DAB1: variants seen among roughly 807,000 people sequenced by gnomAD.
DAB1 encodes DAB adaptor protein 1.
A neutral mutation model predicts 64.6 loss-of-function variants in DAB1; 15 were observed. That is an observed-to-expected ratio of 0.23 (90% CI 0.16 to 0.36). The LOEUF (loss-of-function observed/expected upper bound fraction) is 0.36. DAB1 is among the 10% of genes least tolerant of loss of function. DAB1 has a pLI of 1.00. For synonymous variants in DAB1, 235 were observed against 251.9 expected (o/e 0.93, Z 0.64); for missense variants, 596 against 706.7 (o/e 0.84, Z 1.78).
intron 4 of DAB1, among the ~76,000 whole-genome samples, chr1:58,212,589 T>C (rs1658614227): frequency 6.6e-6 from 1 of 152,188 alleles, no homozygotes; most frequent in Non-Finnish European, 1.5e-5. Context: ...TTCAGTGTTA[T>C]GGAAATACCA....
In DAB1 at chr1:57,190,974, T is replaced by C. The variant is rs1299120083; in HGVS notation, c.68-45545A>G. Among the ~76,000 whole-genome samples the C allele has an allele frequency of 2.6e-5, 4 of 152,324 alleles. No homozygotes were observed. In the South Asian group the frequency reaches 6.2e-4, roughly 24 times the overall value. On this transcript the variant is annotated intron_variant, in intron 2 of 14. Coordinates refer to ENST00000371236, the MANE Select transcript of DAB1 (RefSeq NM_001365792.1). ...CTTATTTGCCAGAGGTAAAGTCCCA[T>C]AACTTACCTGAATTTTAGTCTCTTT...
intron 5 of DAB1, among the ~76,000 whole-genome samples, chr1:58,044,111 T>C (rs1261628773): frequency 6.6e-6 from 1 of 152,224 alleles, no homozygotes; most frequent in East Asian, 1.9e-4. Flanking sequence ...TGAAAAATTT[T>C]CAGGAAACAA....
intron 4 of DAB1, among the ~76,000 whole-genome samples, chr1:57,123,702 A>G (rs1347240449): frequency 1.3e-5 from 2 of 152,154 alleles, no homozygotes; most frequent in Non-Finnish European, 2.9e-5. Context: ...AAATTATGGT[A>G]TACTCCTATG....
chr1:58,134,470 T>C (rs975980112), intron 5 of DAB1, among the ~76,000 whole-genome samples: 1 of 152,066 alleles, frequency 6.6e-6, no homozygotes, highest in African/African-American at 2.4e-5. Context: ...TATTAGTCCA[T>C]TCTCACACTG....
intron 6 of DAB1, among the ~76,000 whole-genome samples, chr1:57,816,563 T>C (rs1451786923): frequency 5.3e-5 from 8 of 152,240 alleles, no homozygotes; most frequent in African/African-American, 1.4e-4. Flanking sequence ...TGCTCTGATA[T>C]GTTGCTACTC....
chr1:57,593,239 T>A lies in DAB1; in HGVS notation n.625+56353A>T, dbSNP rs112310737. ...GGATTTGACTTCCCTAGGTACTTCA[T>A]ATAAGTGGAATTATGCACTGTTTGC... is the stretch of plus-strand genomic sequence containing the variant. On this transcript the variant is annotated intron_variant and non_coding_transcript_variant, in intron 7 of 20. Coordinates refer to the DAB1 transcript ENST00000485760. 2.2e-3 allele frequency among the ~76,000 whole-genome samples: 330 copies of A among 152,368 alleles called. 3 individuals are homozygous for A. The highest frequency in any genetic ancestry group is 7.3e-3 in the African/African-American group (304 of 41,586).
At chr1:57,338,670 C>T (rs917728029) in intron 1 of DAB1, among the ~76,000 whole-genome samples, 1 of 152,064 alleles carries the variant, frequency 6.6e-6, no homozygotes, top group Non-Finnish European at 1.5e-5. Context: ...AAGTTGGAGC[C>T]CCATGAAGTT....
intron 4 of DAB1, among the ~76,000 whole-genome samples, chr1:57,097,462 G>C (rs1384207075): frequency 6.6e-6 from 1 of 152,132 alleles, no homozygotes; most frequent in Non-Finnish European, 1.5e-5. Context: ...TATGCACTTT[G>C]GCCTGGAAGT....
chr1:58,118,775 C>G (rs1236989752), intron 5 of DAB1, among the ~76,000 whole-genome samples: 1 of 151,056 alleles, frequency 6.6e-6, no homozygotes, highest in African/African-American at 2.4e-5. Context: ...AACTGAGGCA[C>G]CAACAGGTAA....
chr1:57,317,223 C>A (rs1190401452), intron 1 of DAB1, among the ~76,000 whole-genome samples: 3 of 152,104 alleles, frequency 2.0e-5, no homozygotes, highest in African/African-American at 7.2e-5. Flanking sequence ...ACCAACGGCC[C>A]CTTGAGTGAG....
At chr1:58,083,427 T>C (rs1650118340) in intron 5 of DAB1, among the ~76,000 whole-genome samples, 1 of 152,214 alleles carries the variant, frequency 6.6e-6, no homozygotes, top group African/African-American at 2.4e-5. Context: ...TCATCATCTA[T>C]GCCGCACAAT....
intron 7 of DAB1, among the ~76,000 whole-genome samples, chr1:57,520,507 T>C (rs1241523817): frequency 1.3e-5 from 2 of 152,250 alleles, no homozygotes; most frequent in East Asian, 3.9e-4. Flanking sequence ...ATTACAATAT[T>C]AGAAAAAAAT....
At chr1:57,859,455 T>C (rs1023969792) in intron 1 of DAB1, among the ~76,000 whole-genome samples, 25 of 152,280 alleles carry the variant, frequency 1.6e-4, no homozygotes, top group African/African-American at 5.8e-4. Flanking sequence ...CCCCATATTT[T>C]CAACAACCTT....
chr1:58,164,651 C>A (rs1395571804), intron 4 of DAB1, among the ~76,000 whole-genome samples: 1 of 152,138 alleles, frequency 6.6e-6, no homozygotes, highest in Non-Finnish European at 1.5e-5. Context: ...TAACACATTA[C>A]GAAATGCTAC....
chr1:58,375,317 T>C (rs1455579005), intron 3 of DAB1, among the ~76,000 whole-genome samples: 1 of 142,128 alleles, frequency 7.0e-6, no homozygotes, highest in Non-Finnish European at 1.5e-5. Context: ...GGCTGTGGGT[T>C]TGTCATAGAT....
chr1:58,217,810 C>A (rs893936313), intron 4 of DAB1, among the ~76,000 whole-genome samples: 1 of 152,104 alleles, frequency 6.6e-6, no homozygotes, highest in Non-Finnish European at 1.5e-5. Flanking sequence ...CATGCACATT[C>A]CCCATAGTAC....
chr1:57,109,589 T>TATC (rs1324117721), intron 4 of DAB1, among the ~76,000 whole-genome samples: 1 of 151,926 alleles, frequency 6.6e-6, no homozygotes, highest in Non-Finnish European at 1.5e-5. Flanking sequence ...ACACTGCAAT[T>TATC]ATTACCACAA....
At chr1:57,309,255 G>A (rs796817503) in intron 1 of DAB1, among the ~76,000 whole-genome samples, 1 of 152,254 alleles carries the variant, frequency 6.6e-6, no homozygotes, top group African/African-American at 2.4e-5. Flanking sequence ...ACACACATCA[G>A]TTAGCTAGGT....
At chr1:58,211,553 G>A (rs1452920029) in intron 4 of DAB1, among the ~76,000 whole-genome samples, 2 of 152,164 alleles carry the variant, frequency 1.3e-5, no homozygotes, top group Non-Finnish European at 2.9e-5. Context: ...AAATGAAGGA[G>A]AAAGAGAAGG....
Sources: allele counts gnomAD v4.1 joint callset (sites outside exome capture counted in the v4.1 genomes callset), GRCh38; gene constraint gnomAD v4.1.1; transcripts MANE v1.5; gene names NCBI Gene and HGNC (gene_info 2026-07-23, HGNC 2026-07-21).